The following SLC24A2 variants were observed in gnomAD, a reference collection of about 807,000 sequenced individuals.
SLC24A2 encodes the protein sodium/potassium/calcium exchanger 2.
In SLC24A2, 36 loss-of-function variants were observed where a neutral mutation model predicts 62.0. The ratio of observed to expected loss-of-function variants is 0.58; its 90% confidence interval spans 0.44 to 0.77. The LOEUF is 0.77. SLC24A2 is among the 30% of genes least tolerant of loss of function. The probability of loss-of-function intolerance (pLI) is 0.00; values close to 1 mark genes in which losing one functional copy is unlikely to be tolerated. For synonymous variants in SLC24A2, 358 were observed against 294.0 expected, an observed-to-expected ratio of 1.22 and a Z score of -2.23; for missense variants, 846 against 817.9, an observed-to-expected ratio of 1.03 and a Z score of -0.42.
the SLC24A2 span, among the ~76,000 whole-genome samples, chr9:20,147,951 G>A: frequency 6.6e-6 from 1 of 152,032 alleles, no homozygotes; most frequent in African/African-American, 2.4e-5. Flanking sequence ...TAATGTATAG[G>A]AGAATGCTTT....
the SLC24A2 span, among the ~76,000 whole-genome samples, chr9:20,096,850 C>T: frequency 6.6e-6 from 1 of 152,110 alleles, no homozygotes; most frequent in East Asian, 1.9e-4. Flanking sequence ...TTTCAGAAAG[C>T]ACTGTGGTTT....
intron 2 of SLC24A2, among the ~76,000 whole-genome samples, chr9:19,741,230 G>A (rs1011308075): frequency 6.6e-6 from 1 of 152,140 alleles, no homozygotes; most frequent in Non-Finnish European, 1.5e-5. Context: ...CACTTGAGAG[G>A]ATATTTTGCA....
chr9:19,822,651 T>C, the SLC24A2 span, among the ~76,000 whole-genome samples: 1 of 152,152 alleles, frequency 6.6e-6, no homozygotes, highest in Admixed American at 6.6e-5. Context: ...CTAGGTAATG[T>C]GCTGAACTAC....
intron 2 of SLC24A2, among the ~76,000 whole-genome samples, chr9:19,675,913 C>T (rs1436130616): frequency 1.3e-5 from 2 of 152,198 alleles, no homozygotes; most frequent in African/African-American, 4.8e-5. Flanking sequence ...CAAAGTTCAG[C>T]TGGAAGTTTC....
the SLC24A2 span, among the ~76,000 whole-genome samples, chr9:19,889,776 C>T: frequency 0.4 from 61,291 of 152,036 alleles, 12,927 homozygotes; most frequent in East Asian, 0.82. Context: ...CACACCTATG[C>T]CAATGATTCA....
chr9:20,086,820 C>G, the SLC24A2 span, among the ~76,000 whole-genome samples: 1 of 152,196 alleles, frequency 6.6e-6, no homozygotes, highest in African/African-American at 2.4e-5. Context: ...TCTCCCAGAG[C>G]ATCTGGAACA....
At chr9:20,061,099 A>G in the SLC24A2 span, among the ~76,000 whole-genome samples, 1 of 152,186 alleles carries the variant, frequency 6.6e-6, no homozygotes, top group Non-Finnish European at 1.5e-5. Context: ...GATTATAAAA[A>G]TTGACAAGAT....
the SLC24A2 span, among the ~76,000 whole-genome samples, chr9:20,094,973 G>A: frequency 6.6e-6 from 1 of 152,042 alleles, no homozygotes; most frequent in Non-Finnish European, 1.5e-5. Context: ...ATAATTATCT[G>A]AAAAAGCTAT....
the SLC24A2 span, among the ~76,000 whole-genome samples, chr9:20,294,905 C>T: frequency 1.1e-4 from 17 of 152,028 alleles, no homozygotes; most frequent in Non-Finnish European, 1.8e-4. Context: ...TTGTACCACT[C>T]TACTCAGATA....
intron 7 of SLC24A2, among the ~76,000 whole-genome samples, chr9:19,561,568 G>C (rs1289567096): frequency 6.6e-6 from 1 of 151,352 alleles, no homozygotes; most frequent in Non-Finnish European, 1.5e-5. Flanking sequence ...CCGAGTAGCT[G>C]GGACTACAGG....
chr9:19,785,909 C>T, intron 2 of SLC24A2, 28 bp downstream of exon 2: 2 of 1,614,118 alleles, frequency 1.2e-6, no homozygotes, highest in Non-Finnish European at 1.7e-6. Flanking sequence ...TCAAGAAAAG[C>T]ATTAAATAAA....
chr9:19,758,992 G>A (rs570860860), intron 2 of SLC24A2, among the ~76,000 whole-genome samples: 6 of 152,236 alleles, frequency 3.9e-5, no homozygotes, highest in African/African-American at 1.4e-4. Flanking sequence ...ACTCTTTTGT[G>A]TCAAGATTGC....
upstream of SLC24A2, among the ~76,000 whole-genome samples, chr9:19,791,702 A>T (rs1225117253): frequency 6.6e-6 from 1 of 152,216 alleles, no homozygotes; most frequent in Non-Finnish European, 1.5e-5. Flanking sequence ...AGATCCACAG[A>T]CCTTATTGCC....
intron 7 of SLC24A2, among the ~76,000 whole-genome samples, chr9:19,551,052 A>G (rs1032470140): frequency 6.6e-6 from 1 of 152,040 alleles, no homozygotes; most frequent in African/African-American, 2.4e-5. Context: ...CTAGTCTCCT[A>G]AGGAACATTA....
At chr9:20,162,777 A>T in the SLC24A2 span, among the ~76,000 whole-genome samples, 1 of 151,950 alleles carries the variant, frequency 6.6e-6, no homozygotes. Flanking sequence ...AAAAGCTTAT[A>T]CATCATGATC....
At position 19,786,910 on chromosome 9, in the gene SLC24A2, C is replaced by G. The variant is rs1273311540; in HGVS notation, c.-44G>C. ...TATGGTGATCTTCCAACTTTAGACT[C>G]AACCAGATGGTTCTTTCATACTTTT... On this transcript the variant is annotated 5_prime_UTR_variant, in exon 2 of 11. The change abolishes the stop of an existing upstream ORF in the 5' untranslated region. Coordinates refer to ENST00000341998, the MANE Select transcript of SLC24A2 (RefSeq NM_020344.4). The surrounding 1 kb of genome is among the most constrained non-coding windows in gnomAD (Gnocchi z 5.0). 1 of 1,597,926 alleles carries G rather than the reference C, an allele frequency of 6.3e-7. No individual in the cohort carries two copies. Among genetic ancestry groups the G allele is most frequent in the Non-Finnish European group, 8.5e-7 (1 of 1,178,672 alleles).
At chr9:20,255,728 C>T in the SLC24A2 span, among the ~76,000 whole-genome samples, 3 of 152,202 alleles carry the variant, frequency 2.0e-5, no homozygotes, top group African/African-American at 7.2e-5. Flanking sequence ...GGCCCGACAT[C>T]ACTTTTGTCA....
chr9:19,980,291 G>C, the SLC24A2 span, among the ~76,000 whole-genome samples: 1 of 152,164 alleles, frequency 6.6e-6, no homozygotes, highest in East Asian at 1.9e-4. Context: ...AACGCTGATA[G>C]TGTTGGTCTC....
At chr9:19,917,243 T>C in the SLC24A2 span, among the ~76,000 whole-genome samples, 1 of 151,568 alleles carries the variant, frequency 6.6e-6, no homozygotes, top group African/African-American at 2.4e-5. Context: ...GTTATTTCTT[T>C]AGGAAATATC....
Sources: allele counts gnomAD v4.1 joint callset (sites outside exome capture counted in the v4.1 genomes callset), GRCh38; gene constraint gnomAD v4.1.1; non-coding constraint Gnocchi (gnomAD v3.1); transcripts MANE v1.5; gene names NCBI Gene and HGNC (gene_info 2026-07-23, HGNC 2026-07-21).